SMCO4: variants seen among roughly 807,000 people sequenced by gnomAD.
The protein encoded by SMCO4 is single-pass membrane and coiled-coil domain-containing protein 4.
SMCO4 carries 4 observed loss-of-function variants against 3.6 expected under a neutral mutation model. That is an observed-to-expected ratio of 1.11 (90% CI 0.54 to 2.53). SMCO4 has a LOEUF of 2.53. Among genes scored for constraint, SMCO4 ranks in the 30% most tolerant of loss-of-function variants. SMCO4 has a pLI of 0.02. For missense variants in SMCO4, 70 were observed against 80.8 expected (o/e 0.87, Z 0.51); for synonymous variants, 36 against 35.3 (o/e 1.02, Z -0.07).
chr11:93,530,255 G>T (rs115347784), intron 1 of SMCO4, among the ~76,000 whole-genome samples: 2 of 152,158 alleles, frequency 1.3e-5, no homozygotes, highest in East Asian at 1.9e-4. Context: ...CACGTGTGAG[G>T]CCCTGCAGCT....
At chr11:93,540,982 C>T (rs956891448) in intron 1 of SMCO4, among the ~76,000 whole-genome samples, 8 of 152,168 alleles carry the variant, frequency 5.3e-5, no homozygotes, top group African/African-American at 1.9e-4. Flanking sequence ...ACTGCAGCTT[C>T]CAAAAAGCTG....
At chr11:93,519,141 A>G (rs1949035217) in intron 1 of SMCO4, among the ~76,000 whole-genome samples, 1 of 152,228 alleles carries the variant, frequency 6.6e-6, no homozygotes, top group South Asian at 2.1e-4. Context: ...CAGGGTGCAC[A>G]TATGCCCTTG....
chr11:93,517,366 G>C (rs1289926379), intron 1 of SMCO4, among the ~76,000 whole-genome samples: 1 of 152,176 alleles, frequency 6.6e-6, no homozygotes, highest in Non-Finnish European at 1.5e-5. Context: ...AGCCCTTGCT[G>C]TCTGGCAGGC....
chr11:93,539,864 C>A (rs1482589912), intron 1 of SMCO4, among the ~76,000 whole-genome samples: 1 of 152,054 alleles, frequency 6.6e-6, no homozygotes, highest in Non-Finnish European at 1.5e-5. Flanking sequence ...CCACTCCTCT[C>A]TCTAGCTGCC....
intron 2 of SMCO4, among the ~76,000 whole-genome samples, chr11:93,496,668 C>A (rs1258408627): frequency 2.0e-5 from 3 of 152,190 alleles, no homozygotes; most frequent in Non-Finnish European, 2.9e-5. Context: ...CCTGGAACCC[C>A]ACTCAGCCAG....
intron 1 of SMCO4, among the ~76,000 whole-genome samples, chr11:93,506,462 G>A (rs1948903469): frequency 7.0e-6 from 1 of 142,862 alleles, no homozygotes; most frequent in Admixed American, 7.0e-5. Context: ...TTTTTGAGAT[G>A]GAGTCTCGCT....
chr11:93,494,319 T>C (rs1001281896), intron 2 of SMCO4, among the ~76,000 whole-genome samples: 1 of 152,202 alleles, frequency 6.6e-6, no homozygotes, highest in African/African-American at 2.4e-5. Context: ...CCAAAACACA[T>C]TCCTAGCATA....
chr11:93,520,624 C>T (rs35423935), intron 1 of SMCO4, among the ~76,000 whole-genome samples: 18,113 of 152,192 alleles, frequency 0.12, 1,403 homozygotes, highest in Non-Finnish European at 0.17. Context: ...AAGTTTTGAC[C>T]ATTAGATAAT....
upstream of SMCO4, among the ~76,000 whole-genome samples, chr11:93,546,673 T>G (rs1949317742): frequency 6.6e-6 from 1 of 152,242 alleles, no homozygotes; most frequent in African/African-American, 2.4e-5. Flanking sequence ...TTCTTTACGC[T>G]GTTAGTTGAA....
rs752715860 is a variant in SMCO4, at chr11:93,535,950, A to G, written c.-154+7326T>C. Reference sequence around the variant, plus strand: ...ATAAGATTAGGGTCTTTTTGGAAAGAATAGTTGCAGTGTTTATAGGATAGT... The same window carrying G: ...ATAAGATTAGGGTCTTTTTGGAAAGGATAGTTGCAGTGTTTATAGGATAGT... On this transcript the variant is annotated intron_variant, in intron 1 of 2. Coordinates refer to ENST00000298966, the MANE Select transcript of SMCO4 (RefSeq NM_020179.3). 396 of 1,462,576 alleles carry G rather than the reference A, an allele frequency of 2.7e-4. 1 individual carries two copies. The highest frequency in any genetic ancestry group is 3.2e-4 in the Non-Finnish European group (344 of 1,083,966). The allele number at this position is 1,462,576 out of a possible 1,614,324, so 90.6% of individuals were successfully genotyped here.
At chr11:93,509,963 A>C (rs1948943087) in intron 1 of SMCO4, among the ~76,000 whole-genome samples, 1 of 152,176 alleles carries the variant, frequency 6.6e-6, no homozygotes, top group Admixed American at 6.5e-5. Flanking sequence ...TTCCCCAAAA[A>C]CCTATTGGAA....
chr11:93,546,194 T>C (rs1949314815), upstream of SMCO4, among the ~76,000 whole-genome samples: 1 of 152,260 alleles, frequency 6.6e-6, no homozygotes. Context: ...GTACTCTTGC[T>C]AGCGTTTTCT....
chr11:93,541,055 G>T (rs2134642941), intron 1 of SMCO4, among the ~76,000 whole-genome samples: 1 of 152,276 alleles, frequency 6.6e-6, no homozygotes, highest in South Asian at 2.1e-4. Flanking sequence ...AGCTACTAAT[G>T]GACAAGAACA....
intron 2 of SMCO4, among the ~76,000 whole-genome samples, chr11:93,489,287 T>C (rs933917489): frequency 1.3e-5 from 2 of 152,214 alleles, no homozygotes; most frequent in African/African-American, 2.4e-5. Flanking sequence ...TAGTGACTGG[T>C]ACATAGTAGG....
intron 2 of SMCO4, among the ~76,000 whole-genome samples, chr11:93,483,739 G>C (rs1948617653): frequency 6.6e-6 from 1 of 152,198 alleles, no homozygotes; most frequent in Admixed American, 6.5e-5. Context: ...GACTGCTCCA[G>C]TTTCACAAGG....
At chr11:93,482,386 G>A (rs1948602120) in intron 2 of SMCO4, among the ~76,000 whole-genome samples, 1 of 152,330 alleles carries the variant, frequency 6.6e-6, no homozygotes, top group Admixed American at 6.5e-5. Context: ...CTTAGACATC[G>A]TCATGGAAAT....
the SMCO4 span, among the ~76,000 whole-genome samples, chr11:93,550,535 C>A: frequency 6.6e-6 from 1 of 152,008 alleles, no homozygotes; most frequent in Non-Finnish European, 1.5e-5. Flanking sequence ...AATAGCCAGG[C>A]GTGGTGGCAC....
chr11:93,507,162 T>C (rs369089185), intron 1 of SMCO4, among the ~76,000 whole-genome samples: 1 of 152,182 alleles, frequency 6.6e-6, no homozygotes. Context: ...CCCAGCACTT[T>C]GGGAGGCCGA....
chr11:93,549,669 G>A, the SMCO4 span, among the ~76,000 whole-genome samples: 1 of 151,168 alleles, frequency 6.6e-6, no homozygotes, highest in African/African-American at 2.4e-5. Flanking sequence ...ATGTTGCCCA[G>A]GCTGTTCTTG....
Sources: allele counts gnomAD v4.1 joint callset (sites outside exome capture counted in the v4.1 genomes callset), GRCh38; gene constraint gnomAD v4.1.1; transcripts MANE v1.5; gene names NCBI Gene and HGNC (gene_info 2026-07-23, HGNC 2026-07-21).